HTR7: variants seen among roughly 807,000 people sequenced by gnomAD.
HTR7 encodes 5-HT-7.
A neutral mutation model predicts 34.0 loss-of-function variants in HTR7; 16 were observed. The observed-to-expected ratio is 0.47, with a 90% confidence interval of 0.32 to 0.71. The LOEUF is 0.71. HTR7 is among the 30% of genes least tolerant of loss of function. The probability of loss-of-function intolerance (pLI) is 0.04; values close to 1 mark genes in which losing one functional copy is unlikely to be tolerated. For synonymous variants in HTR7, 265 were observed against 260.2 expected (o/e 1.02, Z -0.18); for missense variants, 504 against 625.5 (o/e 0.81, Z 2.07).
At chr10:90,785,483 T>C (rs996473196) in intron 1 of HTR7, among the ~76,000 whole-genome samples, 3 of 152,054 alleles carry the variant, frequency 2.0e-5, no homozygotes, top group South Asian at 2.1e-4. Context: ...TTTGATACCT[T>C]CGTAATGTCT....
intron 1 of HTR7, among the ~76,000 whole-genome samples, chr10:90,821,236 G>T (rs1270691553): frequency 6.6e-6 from 1 of 152,096 alleles, no homozygotes; most frequent in Non-Finnish European, 1.5e-5. Flanking sequence ...AGGCACTGAA[G>T]AGGGTAGGAA....
At position 90,740,841 on chromosome 10, in the gene HTR7, G is replaced by A. The variant is rs1009526467; in HGVS notation, c.*1641C>T. The A allele has an allele frequency of 1.3e-5, 2 of 152,494 alleles. No homozygotes were observed. The highest frequency in any genetic ancestry group is 1.9e-4 in the East Asian group (1 of 5,186). 9.4% of individuals were successfully genotyped at this position (152,494 alleles called of 1,614,324 possible). A position where few individuals can be genotyped will look rare whatever the true frequency, so the allele number is the denominator to read the frequency against. On this transcript the variant is annotated 3_prime_UTR_variant, in exon 4 of 4. Transcript: ENST00000336152. Reference sequence around the variant, plus strand: ...CCTTTAATTAAAAATTGTTACTTACGTTGCTTTATTTCAGCTACAAATAAA... The same window carrying A: ...CCTTTAATTAAAAATTGTTACTTACATTGCTTTATTTCAGCTACAAATAAA...
intron 1 of HTR7, among the ~76,000 whole-genome samples, chr10:90,849,768 T>C (rs1199751037): frequency 6.6e-6 from 1 of 150,948 alleles, no homozygotes; most frequent in Non-Finnish European, 1.5e-5. Context: ...GTTTGATACT[T>C]CAGACCAATG....
At chr10:90,820,594 G>A (rs1845963996) in intron 1 of HTR7, among the ~76,000 whole-genome samples, 1 of 152,146 alleles carries the variant, frequency 6.6e-6, no homozygotes, top group African/African-American at 2.4e-5. Flanking sequence ...AGCTGAACTA[G>A]TACTGTACAC....
intron 1 of HTR7, among the ~76,000 whole-genome samples, chr10:90,807,542 T>C (rs572120539): frequency 1.3e-5 from 2 of 152,334 alleles, no homozygotes. Flanking sequence ...TTGCAACCCC[T>C]ACGCCTGCTC....
intron 1 of HTR7, among the ~76,000 whole-genome samples, chr10:90,792,951 A>T (rs1845481556): frequency 6.6e-6 from 1 of 152,176 alleles, no homozygotes; most frequent in Admixed American, 6.5e-5. Flanking sequence ...TAAAACTCCT[A>T]AAAGAAAACA....
chr10:90,802,996 C>CTTTTTTTTTTTTTTTT (rs35715510), intron 1 of HTR7, among the ~76,000 whole-genome samples: 5 of 89,010 alleles, frequency 5.6e-5, no homozygotes, highest in African/African-American at 8.9e-5. Flanking sequence ...CATTTGTGGC[C>CTTTTTTTTTTTTTTTT]TTTTTTTTTT....
intron 1 of HTR7, among the ~76,000 whole-genome samples, chr10:90,838,949 T>A (rs1846288696): frequency 6.6e-6 from 1 of 152,252 alleles, no homozygotes; most frequent in Non-Finnish European, 1.5e-5. Context: ...TGTTTATTCT[T>A]ACTAGAATAT....
rs529967697 is a variant in HTR7 at position 90,807,573 on chromosome 10, T to C, written c.539+49560A>G. Reference sequence around the variant, plus strand: ...TGCTCGCCAGAGAACAAAACCCCTTTGACTGTAATTTTCCTTTACCTACCC... The same window carrying C: ...TGCTCGCCAGAGAACAAAACCCCTTCGACTGTAATTTTCCTTTACCTACCC... On this transcript the variant is annotated intron_variant, in intron 1 of 3. Transcript: ENST00000336152. Among the ~76,000 whole-genome samples the C allele has an allele frequency of 6.6e-5, 10 of 152,296 alleles. No homozygotes were observed. In the South Asian group the frequency reaches 1.2e-3, roughly 19 times the overall value.
intron 1 of HTR7, among the ~76,000 whole-genome samples, chr10:90,769,495 T>A (rs1354737545): frequency 6.6e-6 from 1 of 152,248 alleles, no homozygotes; most frequent in Non-Finnish European, 1.5e-5. Context: ...GTGTTTTCTT[T>A]CTGAATTAAA....
At chr10:90,799,033 A>G (rs192614065) in intron 1 of HTR7, among the ~76,000 whole-genome samples, 193 of 152,286 alleles carry the variant, frequency 1.3e-3, no homozygotes, top group African/African-American at 4.4e-3. Flanking sequence ...TAACATCACT[A>G]TTGTAAAACC....
intron 1 of HTR7, among the ~76,000 whole-genome samples, chr10:90,781,990 G>C (rs535236251): frequency 5.3e-5 from 8 of 152,308 alleles, no homozygotes; most frequent in African/African-American, 1.9e-4. Flanking sequence ...CTCTGCCTGG[G>C]TTGGATCAGG....
intron 1 of HTR7, among the ~76,000 whole-genome samples, chr10:90,808,686 T>A (rs1392008534): frequency 6.6e-6 from 1 of 152,122 alleles, no homozygotes; most frequent in Non-Finnish European, 1.5e-5. Flanking sequence ...CTGGGCTTGC[T>A]TCCTTCACTA....
intron 1 of HTR7, among the ~76,000 whole-genome samples, chr10:90,848,172 G>A (rs771679894): frequency 2.2e-4 from 32 of 148,742 alleles, no homozygotes; most frequent in African/African-American, 7.8e-4. Context: ...GGGTTCAAGC[G>A]ATTCTCCTGC....
In HTR7 at chr10:90,793,548, A is replaced by AAC. The variant is rs1554854948; in HGVS notation, c.540-43955_540-43954insGT. 6.9e-3 allele frequency among the ~76,000 whole-genome samples: 1,039 copies of AAC among 150,766 alleles called. 16 individuals are homozygous for AAC. The highest frequency in any genetic ancestry group is 0.023 in the African/African-American group (959 of 41,064). On this transcript the variant is annotated intron_variant, in intron 1 of 3. Transcript: ENST00000336152. Reference sequence around the variant, plus strand: ...TTTTAAGAAAGCTCAAAAAAAAAAAAAAAGATCACCTTGGAATTACAGACA... The same window carrying AAC: ...TTTTAAGAAAGCTCAAAAAAAAAAAAACAAAGATCACCTTGGAATTACAGACA...
At chr10:90,812,867 G>A (rs1411730361) in intron 1 of HTR7, among the ~76,000 whole-genome samples, 3 of 152,044 alleles carry the variant, frequency 2.0e-5, no homozygotes, top group Non-Finnish European at 4.4e-5. Flanking sequence ...GCACATATTC[G>A]CCCAGATGGC....
intron 3 of HTR7, 103 bp from the exon 4 acceptor site, chr10:90,742,631 T>G (rs1306989094): frequency 1.4e-6 from 1 of 722,002 alleles, no homozygotes; most frequent in East Asian, 2.6e-5. Flanking sequence ...AGTCAGTAAT[T>G]TGAATCATTT....
intron 2 of HTR7, among the ~76,000 whole-genome samples, chr10:90,748,289 C>G (rs1181254867): frequency 1.3e-5 from 2 of 152,142 alleles, no homozygotes; most frequent in African/African-American, 4.8e-5. Context: ...GGCGCTCCAC[C>G]ATGTCCGGCT....
intron 1 of HTR7, among the ~76,000 whole-genome samples, chr10:90,815,084 GT>G (rs60659958): frequency 0.28 from 40,944 of 144,892 alleles, 6,007 homozygotes; most frequent in African/African-American, 0.41. Context: ...TTTTTTTTTT[GT>G]TTTTTTTTTT....
Sources: allele counts gnomAD v4.1 joint callset (sites outside exome capture counted in the v4.1 genomes callset), GRCh38; gene constraint gnomAD v4.1.1; transcripts MANE v1.5; gene names NCBI Gene and HGNC (gene_info 2026-07-23, HGNC 2026-07-21).